The following PMEL variants were observed in gnomAD, a reference collection of about 807,000 sequenced individuals.
The protein encoded by PMEL is melanocyte protein PMEL.
Under a neutral mutation model 64.9 loss-of-function variants are expected in PMEL, and 53 were observed. The ratio of observed to expected loss-of-function variants is 0.82; its 90% CI spans 0.66 to 1.03. The LOEUF (loss-of-function observed/expected upper bound fraction) is 1.03, where lower values mean the gene tolerates loss of function less well. Ranked by LOEUF, PMEL falls within the 50% of genes least tolerant of loss-of-function variation. The pLI is 0.00. For synonymous variants in PMEL, 299 were observed against 316.2 expected, an observed-to-expected ratio of 0.95 and a Z score of 0.58; for missense variants, 716 against 814.9, an observed-to-expected ratio of 0.88 and a Z score of 1.48.
At chr12:55,966,202 C>G, upstream of PMEL, 1 of 824,462 alleles carries the variant, frequency 1.2e-6, no homozygotes, top group Non-Finnish European at 1.8e-6. Context: ...CATCCTGCTA[C>G]TCAATGACAG....
chr12:55,955,627 G>T lies in PMEL; in HGVS notation c.1599C>A (p.Cys533Ter). The change falls in exon 9 of 11, where the codon TGC (cysteine) becomes TGA (stop). Residue 533 changes from cysteine to a stop codon, truncating the protein, a stop_gained. Transcript: ENST00000548747. LOFTEE classifies it high-confidence loss of function. ...EACMEISSPGCQPPAQRLCQP... is the reference protein window; with the variant it reads ...EACMEISSPG ...GGCACAGCCGCTGGGCAGGGGGCTG[G>T]CACCCTGGCGATGAGATCTCCATGC... 6.2e-7 allele frequency: 1 copy of T among 1,613,584 alleles called. No individual in the cohort carries two copies. Among genetic ancestry groups the T allele is most frequent in the African/African-American group, 1.3e-5 (1 of 75,032 alleles).
chr12:55,966,311 A>G (rs1490522517), upstream of PMEL: 2 of 416,418 alleles, frequency 4.8e-6, no homozygotes, highest in African/African-American at 4.0e-5. Context: ...ACAGTTTATC[A>G]TGGGAGAGTG....
At chr12:55,954,596 T>C (rs1888774257) in intron 10 of PMEL, among the ~76,000 whole-genome samples, 1 of 152,118 alleles carries the variant, frequency 6.6e-6, no homozygotes, top group Non-Finnish European at 1.5e-5. Context: ...TCTGCCCTTC[T>C]TGCAGGTAGA....
chr12:55,966,362 CTG>C, upstream of PMEL: 1 of 277,864 alleles, frequency 3.6e-6, no homozygotes, highest in South Asian at 5.0e-5. Context: ...AAACAGAACC[CTG>C]CATCCCAAAA....
chr12:55,962,947 G>T (rs1565777571), intron 1 of PMEL, among the ~76,000 whole-genome samples: 7 of 151,924 alleles, frequency 4.6e-5, no homozygotes. Flanking sequence ...TGGATCACAA[G>T]GTCAGGAGTT....
In PMEL at chr12:55,960,305, C is replaced by T. The variant is rs953322541; in HGVS notation, c.334+1012G>A. Among the ~76,000 whole-genome samples the T allele has an allele frequency of 2.6e-5, 4 of 151,472 alleles. No homozygotes were observed. In the South Asian group the frequency reaches 6.2e-4, roughly 24 times the overall value. ...CTTGCCCAAGGTCACATATCAAGGACAAGTTTAAATATAGGTCTGTTCAAC... is the reference window on the plus strand; with the variant it reads ...CTTGCCCAAGGTCACATATCAAGGATAAGTTTAAATATAGGTCTGTTCAAC... On this transcript the variant is annotated intron_variant, in intron 3 of 10. Coordinates refer to ENST00000548747, the MANE Select transcript of PMEL (RefSeq NM_001384361.1).
At chr12:55,966,335 A>G (rs1232268688), upstream of PMEL, 2 of 328,878 alleles carry the variant, frequency 6.1e-6, no homozygotes, top group Non-Finnish European at 1.1e-5. Context: ...TAAACCAGGA[A>G]CTTCTCAAAA....
Position 55,954,353 on chromosome 12 carries a change from A to G in PMEL, c.1851-4T>C. 4 of 1,613,986 alleles carry G rather than the reference A, an allele frequency of 2.5e-6. No individual in the cohort carries two copies. The highest frequency in any genetic ancestry group is 3.4e-6 in the Non-Finnish European group (4 of 1,179,950). On this transcript the variant is annotated splice_region_variant and splice_polypyrimidine_tract_variant and intron_variant, in intron 10 of 10. Transcript: ENST00000548747. Reference sequence around the variant, plus strand: ...GTCTTGCTTCATAAGTCTGCGCCTGATATTGGGAGAAGGGGTAAACTGGTT... The same window carrying G: ...GTCTTGCTTCATAAGTCTGCGCCTGGTATTGGGAGAAGGGGTAAACTGGTT...
upstream of PMEL, chr12:55,966,339 C>T (rs1439472726): frequency 3.1e-6 from 1 of 321,718 alleles, no homozygotes. Context: ...CCAGGAACTT[C>T]TCAAAAAGAC....
At chr12:55,958,788 AT>A (rs964873465) in intron 3 of PMEL, 181 bp from the exon 4 acceptor site, 5,040 of 502,646 alleles carry the variant, frequency 0.01, no homozygotes, top group East Asian at 0.013. Flanking sequence ...TGGAAACTAC[AT>A]TTTTTTTTTA....
At position 55,961,422 on chromosome 12, in the gene PMEL, G is replaced by T; in HGVS notation, c.229C>A (p.Leu77Met). ...GAGAAGGAGGCATTTGCACCAATCA[G>T]TGTAGGCCCATCATTACTGACCTTG... ...SLKVSNDGPT[L>M]IGANASFSIA... The change falls in exon 3 of 11, where the codon CTG becomes ATG. Residue 77 changes from leucine to methionine, a missense_variant. Leu to Met is a conservative substitution (Grantham distance 15, BLOSUM62 2). Coordinates refer to ENST00000548747, the MANE Select transcript of PMEL (RefSeq NM_001384361.1). 6.2e-7 allele frequency: 1 copy of T among 1,614,158 alleles called. No individual in the cohort carries two copies. The highest frequency in any genetic ancestry group is 8.5e-7 in the Non-Finnish European group (1 of 1,179,980).
intron 6 of PMEL, 122 bp from the exon 7 acceptor site, chr12:55,956,341 A>G: frequency 1.5e-6 from 1 of 679,820 alleles, no homozygotes; most frequent in Non-Finnish European, 2.6e-6. Context: ...ACAGGCTTGG[A>G]ATCAGATAAG....
At chr12:55,954,706 C>A (rs1888781905) in intron 10 of PMEL, among the ~76,000 whole-genome samples, 2 of 152,170 alleles carry the variant, frequency 1.3e-5, no homozygotes, top group South Asian at 2.1e-4. Context: ...GAGTTTGAGA[C>A]CAGCCTGGCC....
In PMEL at chr12:55,958,031, C is replaced by T; in HGVS notation, c.523G>A (p.Gly175Ser). 1 of 1,614,208 alleles carries T rather than the reference C, an allele frequency of 6.2e-7. No individual in the cohort carries two copies. The highest frequency in any genetic ancestry group is 8.5e-7 in the Non-Finnish European group (1 of 1,180,026). Reference protein sequence around the residue: ...GPVSGLSIGTGRAMLGTHTME... With the variant: ...GPVSGLSIGTSRAMLGTHTME... ...GTGTGTGTGCCCAGCATTGCCCTGC[C>T]TGTCCCAATGCTCAGCCCAGACACT... Residue 175 changes from glycine to serine, a missense_variant, in exon 5 of 11, where the codon GGC becomes AGC. Gly to Ser is a moderately conservative substitution (Grantham distance 56). Coordinates refer to ENST00000548747, the MANE Select transcript of PMEL (RefSeq NM_001384361.1).
At chr12:55,966,162 AG>A, upstream of PMEL, 1 of 1,209,948 alleles carries the variant, frequency 8.3e-7, no homozygotes, top group Non-Finnish European at 1.1e-6. Context: ...AAACTGACAA[AG>A]GGATCCTGGT....
At chr12:55,965,832 C>T (rs1889277806) in intron 1 of PMEL, 104 bp downstream of exon 1, 5 of 1,360,566 alleles carry the variant, frequency 3.7e-6, no homozygotes, top group Middle Eastern at 1.8e-4. Context: ...GAGTGGGAGA[C>T]GCCTGAAATA....
Position 55,957,068 on chromosome 12 carries a change from C to A in PMEL, c.1235G>T (p.Gly412Val). ...AGTTGTTACCTGTGCAGCTGTGGTTCCAGAAAGCACCACAATTGATACCTC... is the reference window on the plus strand; with the variant it reads ...AGTTGTTACCTGTGCAGCTGTGGTTACAGAAAGCACCACAATTGATACCTC... Reference protein sequence around the residue: ...PAEVSIVVLSGTTAAQVTTTE... With the variant: ...PAEVSIVVLSVTTAAQVTTTE... Residue 412 changes from glycine to valine, a missense_variant, in exon 6 of 11, where the codon GGA (glycine) becomes GTA (valine). Physicochemically the swap from Gly to Val is moderately radical, Grantham distance 109. Transcript: ENST00000548747. The A allele has an allele frequency of 1.9e-6, 3 of 1,614,186 alleles. No homozygotes were observed. The highest frequency in any genetic ancestry group is 1.7e-6 in the Non-Finnish European group (2 of 1,180,032).
chr12:55,956,328 G>A lies in PMEL; in HGVS notation c.1355-109C>T, dbSNP rs994213737. 4.2e-6 allele frequency: 3 copies of A among 708,218 alleles called. No homozygotes were observed. In the African/African-American group the frequency reaches 5.3e-5, roughly 13 times the overall value. The allele number at this position is 708,218 out of a possible 1,614,324, so 43.9% of individuals were successfully genotyped here. A position where few individuals can be genotyped will look rare whatever the true frequency, so the allele number is the denominator to read the frequency against. ...TGAACCAGAGTTACTGGATTCTGGAGTCACAGGCTTGGAATCAGATAAGAC... is the reference window on the plus strand; with the variant it reads ...TGAACCAGAGTTACTGGATTCTGGAATCACAGGCTTGGAATCAGATAAGAC... On this transcript the variant is annotated intron_variant, in intron 6 of 10. Transcript: ENST00000548747.
intron 3 of PMEL, chr12:55,958,824 C>G: frequency 7.6e-6 from 4 of 527,608 alleles, no homozygotes; most frequent in Non-Finnish European, 1.3e-5. Flanking sequence ...GTCTGATGCC[C>G]AGGCTGGAGT....
Sources: gnomAD v4.1 joint callset for allele counts (sites outside exome capture counted in the v4.1 genomes callset) on GRCh38, gnomAD v4.1.1 for gene constraint, MANE v1.5 for transcripts, NCBI Gene and HGNC (gene_info 2026-07-23, HGNC 2026-07-21) for gene names.